The following CADPS2 variants were observed in gnomAD, a reference collection of about 807,000 sequenced individuals.
The protein encoded by CADPS2 is calcium-dependent secretion activator 2.
In CADPS2, 93 loss-of-function variants were observed where a neutral mutation model predicts 172.5. The ratio of observed to expected loss-of-function variants is 0.54; its 90% CI spans 0.46 to 0.64. The LOEUF is 0.64. Among genes scored for constraint, CADPS2 ranks in the 30% least tolerant of loss-of-function variants. The pLI is 0.00. For missense variants in CADPS2, 1,420 were observed against 1,565.9 expected, an observed-to-expected ratio of 0.91 and a Z score of 1.57; for synonymous variants, 546 against 555.2, an observed-to-expected ratio of 0.98 and a Z score of 0.23.
intron 6 of CADPS2, among the ~76,000 whole-genome samples, chr7:122,587,347 T>A (rs1280301098): frequency 6.6e-6 from 1 of 152,094 alleles, no homozygotes; most frequent in Non-Finnish European, 1.5e-5. Context: ...CTCCCACATA[T>A]AAGTGAGAAC....
At chr7:122,851,181 G>A (rs983257924) in intron 1 of CADPS2, among the ~76,000 whole-genome samples, 1 of 152,186 alleles carries the variant, frequency 6.6e-6, no homozygotes, top group African/African-American at 2.4e-5. Context: ...GAGAAGGCAG[G>A]GAGCACTCTC....
intron 1 of CADPS2, among the ~76,000 whole-genome samples, chr7:122,817,614 C>T (rs552200902): frequency 1.3e-5 from 2 of 152,180 alleles, no homozygotes; most frequent in South Asian, 2.1e-4. Context: ...TGGTCCTTCA[C>T]CCTTAGTGGC....
At chr7:122,676,795 A>G (rs1588338963) in intron 2 of CADPS2, 6 of 869,680 alleles carry the variant, frequency 6.9e-6, no homozygotes, top group Non-Finnish European at 8.9e-6. Flanking sequence ...CATCATTTCC[A>G]TGGGACAAGA....
rs1274354430 is a variant in CADPS2 at position 122,658,066 on chromosome 7, A to C, written c.786+5171T>G. 3.9e-5 allele frequency among the ~76,000 whole-genome samples: 6 copies of C among 152,302 alleles called. No homozygotes were observed. The South Asian group carries it at 6.2e-4, about 16-fold the overall frequency. ...AAGAAAAAAACAAACAACCCCATCAAAAAGTGGGCAAAGGATATGAACAGA... is the reference window on the plus strand; with the variant it reads ...AAGAAAAAAACAAACAACCCCATCACAAAGTGGGCAAAGGATATGAACAGA... On this transcript the variant is annotated intron_variant, in intron 3 of 29. Transcript: ENST00000449022.
chr7:122,425,322 T>A (rs1266923076), intron 17 of CADPS2, among the ~76,000 whole-genome samples: 1 of 149,584 alleles, frequency 6.7e-6, no homozygotes, highest in Non-Finnish European at 1.5e-5. Flanking sequence ...GTGCCATGGT[T>A]CATGCCTGTA....
chr7:122,518,119 G>A (rs1279498735), intron 8 of CADPS2, among the ~76,000 whole-genome samples: 1 of 151,706 alleles, frequency 6.6e-6, no homozygotes, highest in Non-Finnish European at 1.5e-5. Flanking sequence ...ACATTTACAG[G>A]TTCCAGTATC....
chr7:122,558,200 TG>T (rs1219109385), intron 7 of CADPS2, among the ~76,000 whole-genome samples: 4 of 152,150 alleles, frequency 2.6e-5, no homozygotes, highest in South Asian at 2.1e-4. Flanking sequence ...AATGAAGAAT[TG>T]TTTTTTTTTA....
chr7:122,345,068 C>T (rs1257497953), intron 28 of CADPS2, among the ~76,000 whole-genome samples: 1 of 152,032 alleles, frequency 6.6e-6, no homozygotes, highest in Non-Finnish European at 1.5e-5. Flanking sequence ...CCGGCCCACA[C>T]ACCAACAAAT....
chr7:122,817,429 C>T (rs1801793735), intron 1 of CADPS2, among the ~76,000 whole-genome samples: 1 of 152,142 alleles, frequency 6.6e-6, no homozygotes, highest in South Asian at 2.1e-4. Flanking sequence ...AATTTCAATT[C>T]CTTTCATTTT....
At chr7:122,644,334 G>A (rs917009766) in intron 3 of CADPS2, among the ~76,000 whole-genome samples, 9 of 152,044 alleles carry the variant, frequency 5.9e-5, no homozygotes, top group Admixed American at 2.0e-4. Context: ...CTCTTGCCTG[G>A]GATCCTTTTT....
chr7:122,729,693 T>TTTTA (rs2091461210), intron 2 of CADPS2, among the ~76,000 whole-genome samples: 1 of 149,902 alleles, frequency 6.7e-6, no homozygotes, highest in Non-Finnish European at 1.5e-5. Flanking sequence ...TTTTTTTTTT[T>TTTTA]TTTTACTGTT....
At chr7:122,645,389 G>GTATATA (rs764984768) in intron 3 of CADPS2, among the ~76,000 whole-genome samples, 1 of 65,886 alleles carries the variant, frequency 1.5e-5, no homozygotes, top group African/African-American at 4.3e-5. Flanking sequence ...ATGTACATGT[G>GTATATA]TGTGTATATA....
intron 1 of CADPS2, among the ~76,000 whole-genome samples, chr7:122,838,172 C>T (rs914882817): frequency 6.6e-6 from 1 of 152,108 alleles, no homozygotes; most frequent in Non-Finnish European, 1.5e-5. Context: ...GAACCAAAGA[C>T]AAAAACCACA....
chr7:122,570,251 A>G (rs569141175), intron 7 of CADPS2, among the ~76,000 whole-genome samples: 15 of 152,334 alleles, frequency 9.8e-5, no homozygotes, highest in Non-Finnish European at 1.9e-4. Context: ...TCAAAAGAAG[A>G]CATTTATGCA....
intron 1 of CADPS2, among the ~76,000 whole-genome samples, chr7:122,840,574 G>T (rs1212887685): frequency 7.0e-6 from 1 of 142,422 alleles, no homozygotes; most frequent in Admixed American, 7.0e-5. Context: ...AAAAAGAAAA[G>T]CCATCAAATC....
intron 9 of CADPS2, among the ~76,000 whole-genome samples, chr7:122,494,221 C>A (rs143472172): frequency 3.9e-5 from 6 of 152,268 alleles, no homozygotes; most frequent in Middle Eastern, 3.4e-3. Context: ...AGCCTGCTGG[C>A]CTTTCTGGAG....
intron 2 of CADPS2, chr7:122,701,848 G>A: frequency 6.3e-7 from 1 of 1,590,428 alleles, no homozygotes; most frequent in Non-Finnish European, 8.6e-7. Context: ...TTTTCAGGAT[G>A]TCACACTTGC....
chr7:122,492,121 G>A (rs982003239), intron 9 of CADPS2, among the ~76,000 whole-genome samples: 2 of 151,942 alleles, frequency 1.3e-5, no homozygotes, highest in African/African-American at 2.4e-5. Flanking sequence ...GTAGTGAGAC[G>A]AGATCGCGCC....
intron 1 of CADPS2, among the ~76,000 whole-genome samples, chr7:122,846,165 A>T (rs770468249): frequency 8.5e-5 from 13 of 152,202 alleles, no homozygotes; most frequent in Non-Finnish European, 1.9e-4. Flanking sequence ...AGTGCTAAGG[A>T]TGTTCAAATA....
Sources: allele counts gnomAD v4.1 joint callset (sites outside exome capture counted in the v4.1 genomes callset), GRCh38; gene constraint gnomAD v4.1.1; transcripts MANE v1.5; gene names NCBI Gene and HGNC (gene_info 2026-07-23, HGNC 2026-07-21).